The following THRB variants were observed in gnomAD, a reference collection of about 807,000 sequenced individuals.
The protein encoded by THRB is thyroid hormone receptor beta, also known as nuclear receptor subfamily 1 group A member 2.
A neutral mutation model predicts 47.8 loss-of-function variants in THRB; 12 were observed. The observed-to-expected ratio is 0.25, with a 90% CI of 0.16 to 0.41. The LOEUF (loss-of-function observed/expected upper bound fraction) is 0.41, where lower values mean the gene tolerates loss of function less well. Among genes scored for constraint, THRB ranks in the 10% least tolerant of loss-of-function variants. The pLI, the probability that THRB is intolerant of heterozygous loss-of-function variation, is 1.00. For synonymous variants in THRB, 218 were observed against 212.2 expected, an observed-to-expected ratio of 1.03 and a Z score of -0.24; for missense variants, 348 against 589.2, an observed-to-expected ratio of 0.59 and a Z score of 4.24.
Position 24,352,621 on chromosome 3 carries a change from C to A in THRB, c.-260-15250G>T, listed in dbSNP as rs541497541. Among the ~76,000 whole-genome samples, 9 of 152,268 alleles carry A rather than the reference C, an allele frequency of 5.9e-5. No individual in the cohort carries two copies. In the South Asian group the frequency reaches 1.9e-3, roughly 32 times the overall value. On this transcript the variant is annotated intron_variant, in intron 1 of 10. Coordinates refer to ENST00000646209, the MANE Select transcript of THRB (RefSeq NM_001354712.2). The stretch of plus-strand genomic sequence containing the variant: ...TGGTTGGTTTTAAAAGGTCTTTGCG[C>A]AGCCATTCAAACTCAAACCTACAAA...
Position 24,357,378 on chromosome 3 carries a change from A to AAAAAAAAAAAAAC in THRB, c.-260-20008_-260-20007insGTTTTTTTTTTTT, listed in dbSNP as rs1560011027. ...AAAAAAAAAAAAAAAAAAAAAACAA[A>AAAAAAAAAAAAAC]AAACAAACAAACAAAAAAACACCAA... On this transcript the variant is annotated intron_variant, in intron 1 of 10. Coordinates refer to ENST00000646209, the MANE Select transcript of THRB (RefSeq NM_001354712.2). Among the ~76,000 whole-genome samples, 24 of 141,274 alleles carry AAAAAAAAAAAAAC rather than the reference A, an allele frequency of 1.7e-4. 2 individuals are homozygous for AAAAAAAAAAAAAC. Among genetic ancestry groups the AAAAAAAAAAAAAC allele is most frequent in the African/African-American group, 7.1e-4 (24 of 33,706 alleles). 92.7% of individuals were successfully genotyped at this position (141,274 alleles called of 152,430 possible).
intron 5 of THRB, among the ~76,000 whole-genome samples, chr3:24,189,539 C>G (rs1700943): frequency 0.62 from 94,702 of 151,972 alleles, 31,480 homozygotes; most frequent in African/African-American, 0.87. Context: ...GCCTTATGAG[C>G]TGACAACCTC....
In THRB at chr3:24,133,454, G is replaced by A. The variant is rs1284039125; in HGVS notation, c.747C>T (p.Asp249=). The change falls in exon 9 of 11, where the codon GAC becomes GAT. Residue 249 remains aspartate, a synonymous_variant. Coordinates refer to ENST00000646209, the MANE Select transcript of THRB (RefSeq NM_001354712.2). ...WKQKRKFLPE[D]IGQAPIVNAP... Reference sequence around the variant, plus strand: ...CATTGACTATTGGTGCTTGTCCAATGTCTTCTGGCTAAGGAGGAGAAAAAA... The same window carrying A: ...CATTGACTATTGGTGCTTGTCCAATATCTTCTGGCTAAGGAGGAGAAAAAA... The A allele has an allele frequency of 4.3e-6, 7 of 1,614,060 alleles. No homozygotes were observed. The highest frequency in any genetic ancestry group is 1.3e-5 in the African/African-American group (1 of 75,054).
intron 3 of THRB, among the ~76,000 whole-genome samples, chr3:24,279,703 T>C (rs1298443289): frequency 6.6e-6 from 1 of 152,088 alleles, no homozygotes; most frequent in Non-Finnish European, 1.5e-5. Context: ...CCAAATGCAA[T>C]GAGTTCTTGT....
At chr3:24,201,299 A>G (rs557995369) in intron 4 of THRB, among the ~76,000 whole-genome samples, 1 of 151,990 alleles carries the variant, frequency 6.6e-6, no homozygotes, top group African/African-American at 2.4e-5. Flanking sequence ...CTTGATCTCT[A>G]CTGCTTGATC....
At chr3:24,384,948 T>C (rs747150999) in intron 1 of THRB, among the ~76,000 whole-genome samples, 2 of 152,136 alleles carry the variant, frequency 1.3e-5, no homozygotes, top group Non-Finnish European at 2.9e-5. Flanking sequence ...GGAAAAGTCA[T>C]TGAGCCACAG....
intron 1 of THRB, among the ~76,000 whole-genome samples, chr3:24,410,953 A>T (rs2068240308): frequency 6.6e-6 from 1 of 151,828 alleles, no homozygotes; most frequent in African/African-American, 2.4e-5. Flanking sequence ...GTTCATCATC[A>T]TCAAAGAGAT....
At chr3:24,161,904 T>TCTGACAACTTTTCAAACATGCAA (rs2038905265) in intron 5 of THRB, among the ~76,000 whole-genome samples, 1 of 143,158 alleles carries the variant, frequency 7.0e-6, no homozygotes, top group Non-Finnish European at 1.5e-5. Context: ...ATGATAAGCA[T>TCTGACAACTTTTCAAACATGCAA]CTCTGACAAC....
In THRB at chr3:24,122,854, G is replaced by T. The variant is rs1163196698; in HGVS notation, c.*30C>A. ...GAATGAAATGACACCCAGTAGTGCT[G>T]TAGGAATTATGAGAATGAATCCAGT... On this transcript the variant is annotated 3_prime_UTR_variant, in exon 11 of 11. Transcript: ENST00000646209. 1.2e-6 allele frequency: 2 copies of T among 1,614,016 alleles called. No homozygotes were observed. The highest frequency in any genetic ancestry group is 8.5e-7 in the Non-Finnish European group (1 of 1,179,974).
At chr3:24,303,139 T>C (rs1189683302) in intron 2 of THRB, among the ~76,000 whole-genome samples, 1 of 151,624 alleles carries the variant, frequency 6.6e-6, no homozygotes, top group African/African-American at 2.4e-5. Context: ...TGAATAATGT[T>C]GATGGAAGCA....
At chr3:24,280,549 TGCAGTTCCTCACCA>T (rs1268206186) in intron 3 of THRB, among the ~76,000 whole-genome samples, 2 of 152,034 alleles carry the variant, frequency 1.3e-5, no homozygotes, top group African/African-American at 4.8e-5. Context: ...TCCAAAGGAA[TGCAGTTCCTCACCA>T]GCAACAGAAC....
chr3:24,261,200 A>G (rs1442515911), intron 3 of THRB, among the ~76,000 whole-genome samples: 1 of 108,930 alleles, frequency 9.2e-6, no homozygotes, highest in Non-Finnish European at 1.8e-5. Context: ...TATTTCCTGA[A>G]TCTTCAAAAA....
At chr3:24,380,549 T>C (rs892301554) in intron 1 of THRB, among the ~76,000 whole-genome samples, 1 of 152,148 alleles carries the variant, frequency 6.6e-6, no homozygotes, top group East Asian at 1.9e-4. Flanking sequence ...CCTAAATGCT[T>C]AACCATACTG....
At chr3:24,467,941 G>C (rs1041154607) in intron 1 of THRB, among the ~76,000 whole-genome samples, 1 of 152,180 alleles carries the variant, frequency 6.6e-6, no homozygotes, top group African/African-American at 2.4e-5. Flanking sequence ...GTCCTAGATT[G>C]GCCTCTTCTT....
chr3:24,142,030 C>T (rs559398748), intron 8 of THRB, among the ~76,000 whole-genome samples: 2 of 152,202 alleles, frequency 1.3e-5, no homozygotes, highest in Non-Finnish European at 2.9e-5. Flanking sequence ...CACTGAGAGG[C>T]TGCTCCTCCA....
At chr3:24,143,139 ATACT>A (rs2035658647) in intron 8 of THRB, among the ~76,000 whole-genome samples, 2 of 152,226 alleles carry the variant, frequency 1.3e-5, no homozygotes, top group Admixed American at 1.3e-4. Context: ...AAATATGTAT[ATACT>A]GGGCATCTAA....
intron 1 of THRB, among the ~76,000 whole-genome samples, chr3:24,356,650 C>T (rs1341367240): frequency 6.6e-6 from 1 of 152,070 alleles, no homozygotes; most frequent in Non-Finnish European, 1.5e-5. Flanking sequence ...AGCCTCTACC[C>T]CTTACTCAGT....
At chr3:24,381,890 T>C (rs867471632) in intron 1 of THRB, among the ~76,000 whole-genome samples, 11 of 151,278 alleles carry the variant, frequency 7.3e-5, no homozygotes, top group African/African-American at 2.7e-4. Context: ...GAAAAATAGA[T>C]GGTCTAGCTA....
At chr3:24,196,102 C>T (rs903660695) in intron 4 of THRB, among the ~76,000 whole-genome samples, 2 of 152,162 alleles carry the variant, frequency 1.3e-5, no homozygotes, top group African/African-American at 4.8e-5. Context: ...ATTATCATCC[C>T]TGTTTTACAT....
Sources: gnomAD v4.1 joint callset for allele counts (sites outside exome capture counted in the v4.1 genomes callset) on GRCh38, gnomAD v4.1.1 for gene constraint, MANE v1.5 for transcripts, NCBI Gene and HGNC (gene_info 2026-07-23, HGNC 2026-07-21) for gene names.